ZNF787: variants seen among roughly 807,000 people sequenced by gnomAD.
The protein encoded by ZNF787 is zinc finger protein 787, also known as TTF-I-interacting peptide 20.
A neutral mutation model predicts 16.9 loss-of-function variants in ZNF787; 7 were observed. The observed-to-expected ratio is 0.42, with a 90% CI of 0.24 to 0.78. The LOEUF (loss-of-function observed/expected upper bound fraction) is 0.78, where lower values mean the gene tolerates loss of function less well. Ranked by LOEUF, ZNF787 falls within the 30% of genes least tolerant of loss-of-function variation. The pLI is 0.30. For synonymous variants in ZNF787, 345 were observed against 270.9 expected, an observed-to-expected ratio of 1.27 and a Z score of -2.69; for missense variants, 551 against 589.3, an observed-to-expected ratio of 0.94 and a Z score of 0.67.
intron 2 of ZNF787, among the ~76,000 whole-genome samples, chr19:56,094,086 TG>T (rs1985772108): frequency 6.6e-6 from 1 of 152,116 alleles, no homozygotes; most frequent in Admixed American, 6.6e-5. Flanking sequence ...TGCAGTGACA[TG>T]ATCTCGGCTC....
chr19:56,115,747 A>G (rs531815719), intron 1 of ZNF787, among the ~76,000 whole-genome samples: 1 of 151,852 alleles, frequency 6.6e-6, no homozygotes, highest in East Asian at 1.9e-4. Flanking sequence ...CAGCCACCAC[A>G]CTCAACTACT....
At chr19:56,100,573 C>A (rs1451505048) in intron 2 of ZNF787, among the ~76,000 whole-genome samples, 1 of 152,298 alleles carries the variant, frequency 6.6e-6, no homozygotes, top group East Asian at 1.9e-4. Context: ...GCCCCATGGG[C>A]CCCCATATCC....
intron 2 of ZNF787, among the ~76,000 whole-genome samples, chr19:56,089,653 A>G (rs1437247125): frequency 6.6e-6 from 1 of 152,092 alleles, no homozygotes; most frequent in Non-Finnish European, 1.5e-5. Flanking sequence ...ATGGGATTGG[A>G]GATGAGCATG....
intron 2 of ZNF787, among the ~76,000 whole-genome samples, chr19:56,095,038 C>T (rs1032678681): frequency 2.0e-5 from 3 of 152,140 alleles, no homozygotes; most frequent in Non-Finnish European, 2.9e-5. Context: ...CACTTGAACC[C>T]GAGAGGTGGA....
intron 2 of ZNF787, among the ~76,000 whole-genome samples, chr19:56,089,583 C>T (rs1157184963): frequency 6.6e-6 from 1 of 152,152 alleles, no homozygotes; most frequent in Non-Finnish European, 1.5e-5. Flanking sequence ...GACGTGCCCG[C>T]CAGGGAGCGA....
intron 2 of ZNF787, among the ~76,000 whole-genome samples, chr19:56,090,047 C>T (rs907140489): frequency 6.6e-6 from 1 of 152,160 alleles, no homozygotes; most frequent in Non-Finnish European, 1.5e-5. Context: ...AGGTGCACCC[C>T]ACAGGGTTTT....
intron 2 of ZNF787, among the ~76,000 whole-genome samples, chr19:56,099,247 C>A (rs970661630): frequency 1.3e-5 from 2 of 152,212 alleles, no homozygotes; most frequent in African/African-American, 4.8e-5. Flanking sequence ...CGAAGCCTTG[C>A]CTGGCCCCCA....
At position 56,102,881 on chromosome 19, in the gene ZNF787, G is replaced by C. The variant is rs776363037; in HGVS notation, c.79+258C>G. On this transcript the variant is annotated intron_variant, in intron 2 of 2. Coordinates refer to ENST00000610935, the MANE Select transcript of ZNF787 (RefSeq NM_001002836.4). ...CCCAGGCTGGAGGGGCAAGGACAGA[G>C]GAAGTCAGGCAGAGAAGGTGGCCCC... The C allele has an allele frequency of 5.1e-5, 36 of 702,992 alleles. 1 individual carries two copies. In the South Asian group the frequency reaches 5.3e-4, roughly 10 times the overall value. The allele number at this position is 702,992 out of a possible 1,614,324, so 43.5% of individuals were successfully genotyped here.
chr19:56,120,645 G>C (rs540896757), intron 1 of ZNF787, among the ~76,000 whole-genome samples: 1 of 151,972 alleles, frequency 6.6e-6, no homozygotes, highest in East Asian at 2.0e-4. Context: ...AGGGCTGGGG[G>C]GGCCGAGGGC....
intron 1 of ZNF787, among the ~76,000 whole-genome samples, chr19:56,112,878 T>TGGGCCCCC: frequency 7.9e-6 from 1 of 126,468 alleles, no homozygotes; most frequent in Admixed American, 7.9e-5. Flanking sequence ...GACCAGCCGT[T>TGGGCCCCC]CCCCCCACCC....
intron 2 of ZNF787, among the ~76,000 whole-genome samples, chr19:56,092,336 T>C (rs1031233881): frequency 2.0e-5 from 3 of 152,164 alleles, no homozygotes; most frequent in South Asian, 2.1e-4. Context: ...ACACTATCAC[T>C]GTCCTCTCAC....
At position 56,087,996 on chromosome 19, in the gene ZNF787, G is replaced by GGCCCCCC; in HGVS notation, c.*26_*27insGGGGGGC. On this transcript the variant is annotated 3_prime_UTR_variant, in exon 3 of 3. Coordinates refer to ENST00000610935, the MANE Select transcript of ZNF787 (RefSeq NM_001002836.4). Reference sequence around the variant, plus strand: ...GCTCCCGCCAAGCCCGAGGGGCCCTGCCCGCCCCCCCCCCCGGGCCCCTCC... The same window carrying GGCCCCCC: ...GCTCCCGCCAAGCCCGAGGGGCCCTGGCCCCCCCCCGCCCCCCCCCCCGGGCCCCTCC... The GGCCCCCC allele has an allele frequency of 2.9e-5, 33 of 1,157,726 alleles. No individual in the cohort carries two copies. Among genetic ancestry groups the GGCCCCCC allele is most frequent in the Admixed American group, 2.2e-4 (3 of 13,916 alleles). The allele number at this position is 1,157,726 out of a possible 1,614,324, so 71.7% of individuals were successfully genotyped here. A position where few individuals can be genotyped will look rare whatever the true frequency, so the allele number is the denominator to read the frequency against.
At chr19:56,110,413 T>C (rs1251156124) in intron 1 of ZNF787, among the ~76,000 whole-genome samples, 1 of 151,912 alleles carries the variant, frequency 6.6e-6, no homozygotes, top group Non-Finnish European at 1.5e-5. Flanking sequence ...ATACATTAAT[T>C]GCACCTCTAT....
rs747264222 is a variant in ZNF787, at chr19:56,088,993, G to A, written c.179C>T (p.Pro60Leu). 7 of 1,496,682 alleles carry A rather than the reference G, an allele frequency of 4.7e-6. No homozygotes were observed. Among genetic ancestry groups the A allele is most frequent in the Middle Eastern group, 1.8e-4 (1 of 5,458 alleles). The allele number at this position is 1,496,682 out of a possible 1,614,324, so 92.7% of individuals were successfully genotyped here. Residue 60 changes from proline to leucine, a missense_variant, in exon 3 of 3, where the codon CCG (proline) becomes CTG (leucine). Pro to Leu is a moderately conservative substitution (Grantham distance 98). Around this residue, in one of 4 missense-constraint regions of ZNF787, gnomAD observed 80 missense variants for 105.9 expected, o/e 0.76. Transcript: ENST00000610935. This position sits in a 1 kb window ranked among gnomAD's most constrained non-coding sequence, Gnocchi z 8.6. Reference sequence around the variant, plus strand: ...GCAGATGTAGGGGGCGGGCGGCCGCGGCCGGGGAGGCGGGCCGGCTGGGGG... The same window carrying A: ...GCAGATGTAGGGGGCGGGCGGCCGCAGCCGGGGAGGCGGGCCGGCTGGGGG... ...SAPPAGPPPR[P>L]RPPAPYICNE...
At chr19:56,107,845 G>A (rs1010351082) in intron 1 of ZNF787, among the ~76,000 whole-genome samples, 17 of 151,750 alleles carry the variant, frequency 1.1e-4, no homozygotes, top group Non-Finnish European at 2.1e-4. Context: ...GGGAGAGGCC[G>A]CTCGAAGGCC....
At chr19:56,106,814 C>CTG (rs71184318) in intron 1 of ZNF787, among the ~76,000 whole-genome samples, 308 of 151,768 alleles carry the variant, frequency 2.0e-3, no homozygotes, top group African/African-American at 6.1e-3. Flanking sequence ...TCATTCCAGG[C>CTG]GGAAGTCTGC....
intron 1 of ZNF787, among the ~76,000 whole-genome samples, chr19:56,117,034 T>C (rs2030156325): frequency 6.6e-6 from 1 of 152,146 alleles, no homozygotes; most frequent in African/African-American, 2.4e-5. Flanking sequence ...ACAGCCGTTC[T>C]GGGCAGGGCA....
intron 2 of ZNF787, among the ~76,000 whole-genome samples, chr19:56,090,223 C>A (rs1371923692): frequency 6.6e-6 from 1 of 152,216 alleles, no homozygotes; most frequent in African/African-American, 2.4e-5. Flanking sequence ...GCCATGACGC[C>A]CCCCTGCGCT....
rs571812364 is a variant in ZNF787 at position 56,099,000 on chromosome 19, G to A, written c.79+4139C>T. Among the ~76,000 whole-genome samples, 121 of 152,296 alleles carry A rather than the reference G, an allele frequency of 7.9e-4. 1 individual carries two copies. The highest frequency in any genetic ancestry group is 1.2e-3 in the Non-Finnish European group (83 of 68,010). On this transcript the variant is annotated intron_variant, in intron 2 of 2. Transcript: ENST00000610935. ...GGCACTGCCTCGGTGTGGCCAGGAC[G>A]TCACAGCAAGGGGCCCAGAGACAAG... is the stretch of plus-strand genomic sequence containing the variant.
Sources: allele counts gnomAD v4.1 joint callset (sites outside exome capture counted in the v4.1 genomes callset), GRCh38; gene constraint gnomAD v4.1.1; regional missense constraint gnomAD v4.1.1; non-coding constraint Gnocchi (gnomAD v3.1); transcripts MANE v1.5; gene names NCBI Gene and HGNC (gene_info 2026-07-23, HGNC 2026-07-21).